KDM4B: variants seen among roughly 807,000 people sequenced by gnomAD.
KDM4B encodes the protein lysine-specific demethylase 4B.
In KDM4B, 32 loss-of-function variants were observed where a neutral mutation model predicts 125.2. The observed-to-expected ratio is 0.26, with a 90% confidence interval of 0.19 to 0.34. The LOEUF is 0.34. Ranked by LOEUF, KDM4B falls within the 10% of genes least tolerant of loss-of-function variation. The probability of loss-of-function intolerance (pLI) is 1.00; values close to 1 mark genes in which losing one functional copy is unlikely to be tolerated. For missense variants in KDM4B, 1,190 were observed against 1,577.7 expected, an observed-to-expected ratio of 0.75 and a Z score of 4.16; for synonymous variants, 721 against 677.9, an observed-to-expected ratio of 1.06 and a Z score of -0.99.
Position 5,109,198 on chromosome 19 carries a change from C to A in KDM4B, c.919-1424C>A, listed in dbSNP as rs149836322. ...AGTTGGCCAGCCCTGCCCTTTCCCC[C>A]TTCCTCTTGAGGTTGGGGTTTTTCC... On this transcript the variant is annotated intron_variant, in intron 9 of 22. Coordinates refer to ENST00000159111, the MANE Select transcript of KDM4B (RefSeq NM_015015.3). 2.1e-4 allele frequency among the ~76,000 whole-genome samples: 32 copies of A among 152,340 alleles called. No homozygotes were observed. The East Asian group carries it at 6.0e-3, about 29-fold the overall frequency.
intron 9 of KDM4B, among the ~76,000 whole-genome samples, chr19:5,096,337 G>A (rs1451368728): frequency 6.6e-6 from 1 of 152,122 alleles, no homozygotes; most frequent in African/African-American, 2.4e-5. Flanking sequence ...CACCCGCCTT[G>A]GCCTCCCAGA....
At chr19:5,089,701 A>G (rs954493813) in intron 9 of KDM4B, among the ~76,000 whole-genome samples, 1 of 64,046 alleles carries the variant, frequency 1.6e-5, no homozygotes, top group Admixed American at 1.2e-4. Context: ...TTTTTGTACT[A>G]AAAAAAAAAA....
In KDM4B at chr19:5,151,542, C is replaced by T. The variant is rs1057347026; in HGVS notation, c.*31C>T. On this transcript the variant is annotated 3_prime_UTR_variant, in exon 23 of 23. Transcript: ENST00000159111. ...CTGGCCGCTCAGGCGACCCTCAGCC[C>T]GGCGGGGAGGCCATGGCATGCCCCG... The T allele has an allele frequency of 1.4e-5, 19 of 1,316,406 alleles. No individual in the cohort carries two copies. The highest frequency in any genetic ancestry group is 3.8e-5 in the South Asian group (2 of 52,878). 81.5% of individuals were successfully genotyped at this position (1,316,406 alleles called of 1,614,324 possible).
intron 1 of KDM4B, among the ~76,000 whole-genome samples, chr19:4,987,715 G>A (rs1015851574): frequency 4.6e-5 from 7 of 152,206 alleles, no homozygotes; most frequent in Non-Finnish European, 7.3e-5. Flanking sequence ...GTGAGCCACT[G>A]CGCCCGGCCA....
intron 9 of KDM4B, among the ~76,000 whole-genome samples, chr19:5,101,708 G>T (rs2038938192): frequency 6.6e-6 from 1 of 150,674 alleles, no homozygotes; most frequent in South Asian, 2.2e-4. Context: ...TGCTTTTCCT[G>T]GGGAGATCCG....
chr19:5,127,249 T>C (rs2039465218), intron 11 of KDM4B, among the ~76,000 whole-genome samples: 1 of 152,160 alleles, frequency 6.6e-6, no homozygotes, highest in Non-Finnish European at 1.5e-5. Context: ...GTGAGGGGCG[T>C]GCCAAGGTCC....
At position 5,144,002 on chromosome 19, in the gene KDM4B, G is replaced by A. The variant is rs1405101728; in HGVS notation, c.2586G>A (p.Val862=). 1.3e-6 allele frequency: 2 copies of A among 1,589,292 alleles called. No homozygotes were observed. The highest frequency in any genetic ancestry group is 3.4e-5 in the Admixed American group (2 of 59,424). The stretch of plus-strand genomic sequence containing the variant: ...ACTGCCGGAAGCGGATGAAGAAGGT[G>A]TCAGGTGCCTGTATCCAGTGCTCCT... The part of the protein sequence containing the change: ...CVYCRKRMKK[V]SGACIQCSYE... The change falls in exon 19 of 23, where the codon GTG becomes GTA. Residue 862 remains valine, a synonymous_variant. Transcript: ENST00000159111.
chr19:5,060,276 T>A (rs982194137), intron 6 of KDM4B, among the ~76,000 whole-genome samples: 2 of 151,694 alleles, frequency 1.3e-5, no homozygotes, highest in African/African-American at 4.8e-5. Flanking sequence ...CCGTCTCTAT[T>A]AAAAATACAA....
At chr19:4,977,040 T>G (rs947050704) in intron 1 of KDM4B, among the ~76,000 whole-genome samples, 6 of 129,714 alleles carry the variant, frequency 4.6e-5, no homozygotes, top group African/African-American at 1.5e-4. Flanking sequence ...TTCTTTTCTG[T>G]TTTTTTTTTA....
intron 11 of KDM4B, among the ~76,000 whole-genome samples, chr19:5,127,041 G>T (rs2039461632): frequency 6.6e-6 from 1 of 152,208 alleles, no homozygotes; most frequent in Admixed American, 6.5e-5. Context: ...GGGGAGGAGT[G>T]GCCTCGCCAC....
At chr19:5,003,496 A>G (rs550394174) in intron 1 of KDM4B, among the ~76,000 whole-genome samples, 1 of 149,808 alleles carries the variant, frequency 6.7e-6, no homozygotes, top group African/African-American at 2.5e-5. Context: ...TAAACAAACA[A>G]ACAAACAAAC....
chr19:5,107,904 G>T (rs936825755), intron 9 of KDM4B, among the ~76,000 whole-genome samples: 1 of 152,196 alleles, frequency 6.6e-6, no homozygotes, highest in Non-Finnish European at 1.5e-5. Context: ...TTGCTTCTTG[G>T]GTGTCCTGGC....
At chr19:5,062,736 T>G (rs892040110) in intron 6 of KDM4B, among the ~76,000 whole-genome samples, 1 of 152,014 alleles carries the variant, frequency 6.6e-6, no homozygotes, top group Non-Finnish European at 1.5e-5. Flanking sequence ...CTTTGTTTGC[T>G]TAGATTTCCT....
Position 5,054,713 on chromosome 19 carries a change from A to G in KDM4B, c.626+7044A>G, listed in dbSNP as rs575047086. ...GCAGGGCATTGCAGCCGTGTGGCCT[A>G]GAGCGTGGCGTGTGGCGCTGGTGCC... On this transcript the variant is annotated intron_variant, in intron 6 of 22. Coordinates refer to ENST00000159111, the MANE Select transcript of KDM4B (RefSeq NM_015015.3). Among the ~76,000 whole-genome samples, 11 of 152,352 alleles carry G rather than the reference A, an allele frequency of 7.2e-5. No individual in the cohort carries two copies. In the South Asian group the frequency reaches 1.9e-3, roughly 26 times the overall value.
rs181000564 is a variant in KDM4B at position 5,020,458 on chromosome 19, T to C, written c.-26+4119T>C. ...CTGTTTAGCCTTCTCAGGAATCGCCTGCCCGTCTCCACGGCGGCTGCACCC... is the reference window on the plus strand; with the variant it reads ...CTGTTTAGCCTTCTCAGGAATCGCCCGCCCGTCTCCACGGCGGCTGCACCC... On this transcript the variant is annotated intron_variant, in intron 2 of 22. Transcript: ENST00000159111. Among the ~76,000 whole-genome samples the C allele has an allele frequency of 4.2e-3, 643 of 152,258 alleles. 5 individuals carry two copies. Among genetic ancestry groups the C allele is most frequent in the African/African-American group, 0.015 (607 of 41,522 alleles).
intron 18 of KDM4B, chr19:5,140,411 T>C (rs1042948041): frequency 2.0e-5 from 3 of 152,428 alleles, no homozygotes; most frequent in African/African-American, 7.2e-5. Flanking sequence ...TTAAATCAGC[T>C]TCCTGCAGAG....
At chr19:5,033,335 T>G (rs1275471308) in intron 3 of KDM4B, among the ~76,000 whole-genome samples, 1 of 152,150 alleles carries the variant, frequency 6.6e-6, no homozygotes, top group African/African-American at 2.4e-5. Context: ...GCCACCAGGT[T>G]GTTCTGGCCG....
chr19:5,025,093 CTTT>C (rs1316581334), intron 2 of KDM4B, among the ~76,000 whole-genome samples: 2 of 152,188 alleles, frequency 1.3e-5, no homozygotes, highest in Non-Finnish European at 2.9e-5. Flanking sequence ...GAAAGGGACC[CTTT>C]TTTTGTTGTT....
chr19:5,113,913 G>A, intron 10 of KDM4B: 2 of 1,208,492 alleles, frequency 1.7e-6, no homozygotes, highest in South Asian at 2.9e-5. Flanking sequence ...GGATGGTTCG[G>A]CACAGCTGCC....
Sources: gnomAD v4.1 joint callset for allele counts (sites outside exome capture counted in the v4.1 genomes callset) on GRCh38, gnomAD v4.1.1 for gene constraint, MANE v1.5 for transcripts, NCBI Gene and HGNC (gene_info 2026-07-23, HGNC 2026-07-21) for gene names.